Variants in RNF24 observed in about 807,000 individuals in gnomAD.
The protein encoded by RNF24 is ring finger protein 24.
Under a neutral mutation model 20.0 loss-of-function variants are expected in RNF24, and 14 were observed. The observed-to-expected ratio is 0.70, with a 90% CI of 0.46 to 1.10. The LOEUF is 1.10. Ranked by LOEUF, RNF24 falls within the 50% of genes least tolerant of loss-of-function variation. The pLI, the probability that RNF24 is intolerant of heterozygous loss-of-function variation, is 0.00. For missense variants in RNF24, 124 were observed against 177.6 expected, an observed-to-expected ratio of 0.70 and a Z score of 1.71; for synonymous variants, 45 against 61.1, an observed-to-expected ratio of 0.74 and a Z score of 1.23.
At chr20:3,980,423 G>A (rs546066282) in intron 1 of RNF24, among the ~76,000 whole-genome samples, 87 of 152,306 alleles carry the variant, frequency 5.7e-4, no homozygotes, top group Non-Finnish European at 1.1e-3. Flanking sequence ...ACACTGGGCA[G>A]GGGATGATTC....
intron 1 of RNF24, among the ~76,000 whole-genome samples, chr20:3,996,657 A>G (rs1268777714): frequency 6.6e-6 from 1 of 152,172 alleles, no homozygotes; most frequent in East Asian, 1.9e-4. Flanking sequence ...GTGCACGGCC[A>G]TATGTCTCAG....
intron 1 of RNF24, among the ~76,000 whole-genome samples, chr20:3,970,077 G>A (rs1362389166): frequency 6.6e-6 from 1 of 152,070 alleles, no homozygotes; most frequent in Non-Finnish European, 1.5e-5. Flanking sequence ...CTATCCAGCA[G>A]TAACAAAGTG....
intron 1 of RNF24, among the ~76,000 whole-genome samples, chr20:4,007,907 A>G (rs373272173): frequency 6.6e-6 from 1 of 151,470 alleles, no homozygotes; most frequent in Admixed American, 6.6e-5. Flanking sequence ...ACAGAACAAG[A>G]CTCTCTCTCT....
At chr20:3,945,663 C>T (rs924594878) in intron 3 of RNF24, among the ~76,000 whole-genome samples, 12 of 148,534 alleles carry the variant, frequency 8.1e-5, no homozygotes, top group South Asian at 2.1e-4. Flanking sequence ...TGCAGTGAGC[C>T]GAGATCGTGC....
intron 4 of RNF24, among the ~76,000 whole-genome samples, chr20:3,939,336 A>C (rs2090928454): frequency 6.6e-6 from 1 of 152,154 alleles, no homozygotes; most frequent in African/African-American, 2.4e-5. Context: ...TAGCTGATAC[A>C]TTTAGGTCTT....
At chr20:3,945,142 A>T (rs1293634989) in intron 4 of RNF24, 35 bp downstream of exon 4, 14 of 1,591,832 alleles carry the variant, frequency 8.8e-6, no homozygotes, top group Non-Finnish European at 1.2e-5. Flanking sequence ...GCTACTAGAA[A>T]ATGGCTCAAG....
In RNF24 at chr20:3,928,562, C is replaced by T. The variant is rs746831133; in HGVS notation, c.*5501G>A. 6.6e-6 allele frequency: 1 copy of T among 151,958 alleles called. No homozygotes were observed. The highest frequency in any genetic ancestry group is 2.4e-5 in the African/African-American group (1 of 41,378). The allele number at this position is 151,958 out of a possible 1,614,324, so 9.4% of individuals were successfully genotyped here. On this transcript the variant is annotated 3_prime_UTR_variant, in exon 6 of 6. Transcript: ENST00000358395. ...CACGAGGTCAGGAGATCGAGACCAT[C>T]CTGGCTAACACGGTGAAACTCCGTC...
intron 1 of RNF24, among the ~76,000 whole-genome samples, chr20:4,014,577 T>C (rs978691732): frequency 2.0e-5 from 3 of 152,164 alleles, no homozygotes; most frequent in South Asian, 2.1e-4. Context: ...TTCCAATGAA[T>C]AAAACCCACT....
At position 3,977,309 on chromosome 20, in the gene RNF24, C is replaced by T. The variant is rs6052206; in HGVS notation, c.-7-13285G>A. Among the ~76,000 whole-genome samples, 876 of 152,198 alleles carry T rather than the reference C, an allele frequency of 5.8e-3. 6 individuals carry two copies. Among genetic ancestry groups the T allele is most frequent in the African/African-American group, 0.02 (813 of 41,522 alleles). Reference sequence around the variant, plus strand: ...ATAGTTTTATTTTGAAAAGCTATAACTACTTAATTTAAAAAGTTGTTACAG... The same window carrying T: ...ATAGTTTTATTTTGAAAAGCTATAATTACTTAATTTAAAAAGTTGTTACAG... On this transcript the variant is annotated intron_variant, in intron 1 of 5. Coordinates refer to ENST00000358395, the MANE Select transcript of RNF24 (RefSeq NM_001134337.3).
chr20:3,941,872 A>G (rs922482589), intron 4 of RNF24, among the ~76,000 whole-genome samples: 1 of 152,072 alleles, frequency 6.6e-6, no homozygotes, highest in African/African-American at 2.4e-5. Context: ...TGAGGAGTTC[A>G]AGACCAGCCT....
chr20:3,945,001 C>G lies in RNF24; in HGVS notation c.228+176G>C, dbSNP rs57192070. Among the ~76,000 whole-genome samples the G allele has an allele frequency of 5.3e-3, 810 of 152,236 alleles. 6 individuals carry two copies. The highest frequency in any genetic ancestry group is 0.018 in the African/African-American group (765 of 41,540). On this transcript the variant is annotated intron_variant, in intron 4 of 5. Transcript: ENST00000358395. ...TATTAAAAGTATGAGTTATATTACT[C>G]TCGTAAAGCCTTCACACAATTGATT...
intron 1 of RNF24, among the ~76,000 whole-genome samples, chr20:3,965,674 T>C (rs2091250114): frequency 6.6e-6 from 1 of 152,212 alleles, no homozygotes. Flanking sequence ...GTGGAGCTAT[T>C]AGAAAATTAC....
intron 1 of RNF24, among the ~76,000 whole-genome samples, chr20:3,987,365 T>A (rs1464064319): frequency 1.3e-5 from 2 of 152,228 alleles, no homozygotes; most frequent in African/African-American, 4.8e-5. Context: ...ATACCATAAC[T>A]ACTTAATTTT....
chr20:3,934,964 C>A lies in RNF24; in HGVS notation c.308+30G>T. 6.3e-7 allele frequency: 1 copy of A among 1,591,046 alleles called. No homozygotes were observed. The highest frequency in any genetic ancestry group is 1.1e-5 in the South Asian group (1 of 90,532). On this transcript the variant is annotated intron_variant, in intron 5 of 5. Transcript: ENST00000358395. The surrounding 1 kb of genome is among the most constrained non-coding windows in gnomAD (Gnocchi z 4.0). ...TGGTTGATGTGCCTCAAACTCGGGT[C>A]CCATTAAGTAATTCCATACCAATAC...
intron 1 of RNF24, among the ~76,000 whole-genome samples, chr20:4,013,144 T>A (rs1568677611): frequency 6.6e-6 from 1 of 152,190 alleles, no homozygotes; most frequent in Non-Finnish European, 1.5e-5. Flanking sequence ...AAAAATCAAC[T>A]TTCATTAATT....
At chr20:3,974,519 C>CA (rs1978686364) in intron 1 of RNF24, 2 of 1,041,140 alleles carry the variant, frequency 1.9e-6, no homozygotes, top group South Asian at 3.0e-5. Flanking sequence ...AAAGAATCTT[C>CA]AAAAAAATTT....
chr20:3,948,017 G>C (rs1432219019), intron 3 of RNF24, among the ~76,000 whole-genome samples: 2 of 151,290 alleles, frequency 1.3e-5, no homozygotes, highest in South Asian at 4.2e-4. Flanking sequence ...TTGCACTCCA[G>C]CCTGGGCAAC....
intron 4 of RNF24, among the ~76,000 whole-genome samples, chr20:3,937,135 C>T (rs539886473): frequency 6.6e-6 from 1 of 152,274 alleles, no homozygotes; most frequent in South Asian, 2.1e-4. Flanking sequence ...CTGCGCCCAG[C>T]CCCAAAATGG....
chr20:3,982,374 G>A (rs1979487398), intron 1 of RNF24, among the ~76,000 whole-genome samples: 1 of 148,258 alleles, frequency 6.7e-6, no homozygotes, highest in Non-Finnish European at 1.5e-5. Context: ...TCAGGAGTTC[G>A]AAAGCAGCCT....
Sources: gnomAD v4.1 joint callset for allele counts (sites outside exome capture counted in the v4.1 genomes callset) on GRCh38, gnomAD v4.1.1 for gene constraint, Gnocchi (gnomAD v3.1) non-coding constraint, MANE v1.5 for transcripts, NCBI Gene and HGNC (gene_info 2026-07-23, HGNC 2026-07-21) for gene names.